Variants in TECR observed in about 807,000 individuals in gnomAD.
The protein encoded by TECR is very-long-chain enoyl-CoA reductase.
A neutral mutation model predicts 50.6 loss-of-function variants in TECR; 19 were observed. That is an observed-to-expected ratio of 0.38 (90% CI 0.26 to 0.55). The LOEUF (loss-of-function observed/expected upper bound fraction) is 0.55, where lower values mean the gene tolerates loss of function less well. TECR is among the 20% of genes least tolerant of loss of function. The pLI, the probability that TECR is intolerant of heterozygous loss-of-function variation, is 0.79. For synonymous variants in TECR, 168 were observed against 163.5 expected (o/e 1.03, Z -0.21); for missense variants, 313 against 408.3 (o/e 0.77, Z 2.01).
At chr19:14,565,589 C>T (rs117034679) in intron 11 of TECR, 29 bp from the exon 12 acceptor site, 38,084 of 1,603,268 alleles carry the variant, frequency 0.024, 517 homozygotes, top group Non-Finnish European at 0.028. Context: ...GCGAGGCTGC[C>T]CACGCTCACT....
At chr19:14,560,531 T>A (rs890703815) in intron 1 of TECR, among the ~76,000 whole-genome samples, 4 of 152,232 alleles carry the variant, frequency 2.6e-5, no homozygotes, top group South Asian at 2.1e-4. Context: ...ATCCCCTTGG[T>A]GGGGCCCAAC....
intron 1 of TECR, among the ~76,000 whole-genome samples, chr19:14,560,792 C>T (rs1010894415): frequency 4.6e-5 from 7 of 152,174 alleles, no homozygotes; most frequent in African/African-American, 1.7e-4. Context: ...AATAGGCCCC[C>T]ATGCTGTGGT....
chr19:14,542,345 G>GTGTTTTTTTTT (rs2073124107), intron 1 of TECR, among the ~76,000 whole-genome samples: 1 of 61,000 alleles, frequency 1.6e-5, no homozygotes, highest in African/African-American at 5.2e-5. Flanking sequence ...TCATGCCATA[G>GTGTTTTTTTTT]TGTTTTTTTT....
chr19:14,545,682 CGAGTGCAA>C (rs1474828876), intron 1 of TECR: 1 of 169,114 alleles, frequency 5.9e-6, no homozygotes, highest in Non-Finnish European at 1.3e-5. Flanking sequence ...GCGTGCATGG[CGAGTGCAA>C]ACTGCACAGT....
At chr19:14,548,126 C>A (rs373246598) in intron 1 of TECR, among the ~76,000 whole-genome samples, 1 of 152,054 alleles carries the variant, frequency 6.6e-6, no homozygotes, top group East Asian at 1.9e-4. Flanking sequence ...CCATGCCCAG[C>A]TAATTTTTTG....
intron 1 of TECR, among the ~76,000 whole-genome samples, chr19:14,546,975 A>T (rs190183404): frequency 3.9e-5 from 6 of 152,176 alleles, no homozygotes; most frequent in Admixed American, 3.9e-4. Flanking sequence ...GATTACAGGC[A>T]TGAGCCACTG....
At chr19:14,530,225 A>G (rs35258260) in intron 1 of TECR, 23,478 of 173,124 alleles carry the variant, frequency 0.14, 1,712 homozygotes, top group African/African-American at 0.16. Context: ...TTCGCAGAGC[A>G]GCGAAGCTGA....
chr19:14,529,445 C>G, upstream of TECR: 1 of 629,756 alleles, frequency 1.6e-6, no homozygotes, highest in Non-Finnish European at 2.9e-6. Context: ...TTCGATTGGT[C>G]TCGCAAGTTG....
intron 1 of TECR, among the ~76,000 whole-genome samples, chr19:14,546,155 A>T (rs1258441670): frequency 6.6e-6 from 1 of 152,100 alleles, no homozygotes; most frequent in Admixed American, 6.6e-5. Context: ...CTTTCAGAAA[A>T]ATCATGGGGG....
upstream of TECR, chr19:14,529,369 C>A: frequency 3.9e-6 from 2 of 518,864 alleles, no homozygotes; most frequent in South Asian, 2.1e-5. Flanking sequence ...GGGGCAGAGA[C>A]CTCCTTTGGA....
At chr19:14,542,810 C>T (rs544201444) in intron 1 of TECR, among the ~76,000 whole-genome samples, 74 of 152,100 alleles carry the variant, frequency 4.9e-4, no homozygotes, top group African/African-American at 1.7e-3. Context: ...GTTTCCCAGC[C>T]CTGCAAGGTG....
chr19:14,533,156 C>T lies in TECR; in HGVS notation c.15+3445C>T, dbSNP rs1376374568. The stretch of plus-strand genomic sequence containing the variant: ...TATATTTCAGCTGGGCACAGTGGCT[C>T]ATGCCTGTAATCCCAGCACTTTGGG... On this transcript the variant is annotated intron_variant, in intron 1 of 12. Transcript: ENST00000215567. 2.6e-5 allele frequency among the ~76,000 whole-genome samples: 4 copies of T among 151,832 alleles called. 1 individual carries two copies. The East Asian group carries it at 7.7e-4, about 29-fold the overall frequency.
chr19:14,549,017 T>G (rs1041308775), intron 1 of TECR, among the ~76,000 whole-genome samples: 4 of 78,582 alleles, frequency 5.1e-5, no homozygotes, highest in African/African-American at 3.9e-4. Flanking sequence ...GTTTCTTTGA[T>G]TTTTTTTTTC....
Position 14,565,778 on chromosome 19 carries a change from G to C in TECR, c.834G>C (p.Met278Ile), listed in dbSNP as rs1467252503. 6.2e-7 allele frequency: 1 copy of C among 1,610,464 alleles called. No individual in the cohort carries two copies. The highest frequency in any genetic ancestry group is 8.5e-7 in the Non-Finnish European group (1 of 1,179,076). Reference sequence around the variant, plus strand: ...TCTCCCTGGTGGGCTTCACCCAGATGACCATCTGGGCCAAGGGCAAGCACC... The same window carrying C: ...TCTCCCTGGTGGGCTTCACCCAGATCACCATCTGGGCCAAGGGCAAGCACC... ...ALFSLVGFTQMTIWAKGKHRS... is the reference protein window; with the variant it reads ...ALFSLVGFTQITIWAKGKHRS... The change falls in exon 13 of 13, where the codon ATG becomes ATC. Residue 278 changes from methionine to isoleucine, a missense_variant. Coordinates refer to ENST00000215567, the MANE Select transcript of TECR (RefSeq NM_138501.6).
chr19:14,529,702 G>A lies in TECR; in HGVS notation c.6G>A (p.Lys2=), dbSNP rs1391347457. 4 of 1,614,010 alleles carry A rather than the reference G, an allele frequency of 2.5e-6. No individual in the cohort carries two copies. The highest frequency in any genetic ancestry group is 1.1e-5 in the South Asian group (1 of 91,094). The change falls in exon 1 of 13, where the codon AAG becomes AAA. Residue 2 remains lysine, a synonymous_variant. Coordinates refer to ENST00000215567, the MANE Select transcript of TECR (RefSeq NM_138501.6). Reference sequence around the variant, plus strand: ...AGCCGCCGTGGGAGGGAGCCATGAAGCATTACGAGGTAAGAAGCGAGAAAC... The same window carrying A: ...AGCCGCCGTGGGAGGGAGCCATGAAACATTACGAGGTAAGAAGCGAGAAAC... M[K]HYEVEILDAK...
Position 14,563,539 on chromosome 19 carries a change from C to G in TECR, c.119-119C>G. On this transcript the variant is annotated intron_variant, in intron 3 of 12. Transcript: ENST00000215567. This position sits in a 1 kb window ranked among gnomAD's most constrained non-coding sequence, Gnocchi z 5.3. ...AGGGTTTGCCCCCAGGTGGGAGGAG[C>G]TGTGGAGTCCTGGGGTCCTTGCACC... 13 of 1,325,242 alleles carry G rather than the reference C, an allele frequency of 9.8e-6. 1 individual carries two copies. In the South Asian group the frequency reaches 1.6e-4, roughly 16 times the overall value. The allele number at this position is 1,325,242 out of a possible 1,614,324, so 82.1% of individuals were successfully genotyped here. A position where few individuals can be genotyped will look rare whatever the true frequency, so the allele number is the denominator to read the frequency against.
rs2073960853 is a variant in TECR at position 14,563,328 on chromosome 19, C to T, written c.118+71C>T. 8.7e-6 allele frequency: 12 copies of T among 1,372,474 alleles called. No homozygotes were observed. The South Asian group carries it at 1.4e-4, about 16-fold the overall frequency. The allele number at this position is 1,372,474 out of a possible 1,614,324, so 85.0% of individuals were successfully genotyped here. A position where few individuals can be genotyped will look rare whatever the true frequency, so the allele number is the denominator to read the frequency against. On this transcript the variant is annotated intron_variant, in intron 3 of 12. Coordinates refer to ENST00000215567, the MANE Select transcript of TECR (RefSeq NM_138501.6). This position sits in a 1 kb window ranked among gnomAD's most constrained non-coding sequence, Gnocchi z 5.3. ...AGGGACCTTAGGGTGGGAGGGATCC[C>T]ATCCTGCACCCCTCTCCCAGGGGCC...
chr19:14,528,493 C>A (rs1278318890), upstream of TECR, among the ~76,000 whole-genome samples: 2 of 152,002 alleles, frequency 1.3e-5, no homozygotes, highest in Admixed American at 1.3e-4. Flanking sequence ...CCCCCTCGGC[C>A]TCCCAAGGTG....
chr19:14,565,925 G>A lies in TECR; in HGVS notation c.*54G>A. 1.3e-6 allele frequency: 2 copies of A among 1,545,278 alleles called. No individual in the cohort carries two copies. Among genetic ancestry groups the A allele is most frequent in the Non-Finnish European group, 1.7e-6 (2 of 1,144,494 alleles). On this transcript the variant is annotated 3_prime_UTR_variant, in exon 13 of 13. Transcript: ENST00000215567. ...TCAACCCGGTGGCATTCTGGGGGAG[G>A]AGTGGGGCCCACAGCTCTCCAGCAC... is the stretch of plus-strand genomic sequence containing the variant.
Sources: allele counts gnomAD v4.1 joint callset (sites outside exome capture counted in the v4.1 genomes callset), GRCh38; gene constraint gnomAD v4.1.1; non-coding constraint Gnocchi (gnomAD v3.1); transcripts MANE v1.5; gene names NCBI Gene and HGNC (gene_info 2026-07-23, HGNC 2026-07-21).